Variants in PCDHGB1 observed in about 807,000 individuals in gnomAD.
PCDHGB1 encodes protocadherin gamma-B1.
A neutral mutation model predicts 56.6 loss-of-function variants in PCDHGB1; 34 were observed. The ratio of observed to expected loss-of-function variants is 0.60; its 90% CI spans 0.46 to 0.80. PCDHGB1 has a LOEUF of 0.80. PCDHGB1 is among the 30% of genes least tolerant of loss of function. PCDHGB1 has a pLI of 0.00. For synonymous variants in PCDHGB1, 561 were observed against 505.9 expected (o/e 1.11, Z -1.46); for missense variants, 1,278 against 1,204.6 (o/e 1.06, Z -0.90).
chr5:141,470,911 G>C (rs1208467445), intron 1 of PCDHGB1, among the ~76,000 whole-genome samples: 1 of 151,916 alleles, frequency 6.6e-6, no homozygotes, highest in African/African-American at 2.4e-5. Context: ...AGATGGGACT[G>C]TCCCTATGTT....
intron 1 of PCDHGB1, chr5:141,374,378 A>C: frequency 6.2e-7 from 1 of 1,614,038 alleles, no homozygotes; most frequent in Non-Finnish European, 8.5e-7. Context: ...CTGTGCTCAG[A>C]GCCCGCGGTG....
At chr5:141,373,625 T>C (rs941241888) in intron 1 of PCDHGB1, among the ~76,000 whole-genome samples, 3 of 152,254 alleles carry the variant, frequency 2.0e-5, no homozygotes, top group African/African-American at 7.2e-5. Context: ...GATTGTAATA[T>C]TATTTCTGTT....
chr5:141,467,535 G>C (rs2099145685), intron 1 of PCDHGB1, among the ~76,000 whole-genome samples: 1 of 152,176 alleles, frequency 6.6e-6, no homozygotes, highest in South Asian at 2.1e-4. Flanking sequence ...GCTGAGATAT[G>C]GATCTGATTA....
chr5:141,417,701 C>T (rs1382264857), intron 1 of PCDHGB1: 1 of 1,192,516 alleles, frequency 8.4e-7, no homozygotes, highest in Admixed American at 3.0e-5. Flanking sequence ...CCAGCTCCCA[C>T]ACAGAGGCTC....
rs2097419057 is a variant in PCDHGB1 at position 141,431,807 on chromosome 5, A to G, written c.2410-63000A>G. 4 of 1,614,050 alleles carry G rather than the reference A, an allele frequency of 2.5e-6. No individual in the cohort carries two copies. Among genetic ancestry groups the G allele is most frequent in the Non-Finnish European group, 2.5e-6 (3 of 1,180,038 alleles). On this transcript the variant is annotated intron_variant, in intron 1 of 3. Coordinates refer to ENST00000523390, the MANE Select transcript of PCDHGB1 (RefSeq NM_018922.3). This position sits in a 1 kb window ranked among gnomAD's most constrained non-coding sequence, Gnocchi z 4.8. ...CGACAATGCCCCAGAAGTGGTCCTC[A>G]CCTCTCTCGCCAGCTCGGTTCCCGA... is the stretch of plus-strand genomic sequence containing the variant.
chr5:141,423,636 C>A, intron 1 of PCDHGB1: 1 of 1,598,388 alleles, frequency 6.3e-7, no homozygotes, highest in Non-Finnish European at 8.5e-7. Context: ...TCATTTTAGG[C>A]AAATGTGACC....
chr5:141,383,109 T>A, intron 1 of PCDHGB1: 1 of 1,613,908 alleles, frequency 6.2e-7, no homozygotes, highest in Non-Finnish European at 8.5e-7. Context: ...TCTCCAGAGG[T>A]AGGACGCAGC....
intron 1 of PCDHGB1, chr5:141,492,070 GCCGGCT>G (rs1329848558): frequency 2.1e-6 from 1 of 477,826 alleles, no homozygotes; most frequent in Non-Finnish European, 3.7e-6. Context: ...CCTCCTAGGC[GCCGGCT>G]CCGGCACGCT....
At chr5:141,494,232 A>T (rs2099752983) in intron 1 of PCDHGB1, among the ~76,000 whole-genome samples, 1 of 152,168 alleles carries the variant, frequency 6.6e-6, no homozygotes, top group African/African-American at 2.4e-5. Flanking sequence ...TCCTAAATTA[A>T]TAATGTATTT....
intron 1 of PCDHGB1, among the ~76,000 whole-genome samples, chr5:141,481,161 A>G (rs2099532805): frequency 6.6e-6 from 1 of 152,230 alleles, no homozygotes; most frequent in African/African-American, 2.4e-5. Flanking sequence ...GTATTTGCAG[A>G]ACCAGAATCC....
chr5:141,397,039 A>G (rs2093467837), intron 1 of PCDHGB1, among the ~76,000 whole-genome samples: 1 of 152,236 alleles, frequency 6.6e-6, no homozygotes, highest in Non-Finnish European at 1.5e-5. Context: ...CCACAAATTT[A>G]TGTAAATGAA....
At position 141,511,855 on chromosome 5, in the gene PCDHGB1, ATTGT is replaced by A. The variant is rs2099883980; in HGVS notation, c.*686_*689del. ...GGACCAGTCTTCTGTTTTGTTTTTCATTGTTTGACGTTTCCACTGCATGCCTTGA... is the reference window on the plus strand; with the variant it reads ...GGACCAGTCTTCTGTTTTGTTTTTCATTGACGTTTCCACTGCATGCCTTGA... On this transcript the variant is annotated 3_prime_UTR_variant, in exon 4 of 4. Coordinates refer to ENST00000523390, the MANE Select transcript of PCDHGB1 (RefSeq NM_018922.3). 1 of 156,316 alleles carries A rather than the reference ATTGT, an allele frequency of 6.4e-6. No individual in the cohort carries two copies. Among genetic ancestry groups the A allele is most frequent in the South Asian group, 2.0e-4 (1 of 5,082 alleles). The allele number at this position is 156,316 out of a possible 1,614,324, so 9.7% of individuals were successfully genotyped here.
rs372202008 is a variant in PCDHGB1, at chr5:141,404,550, C to T, written c.2409+51881C>T. The stretch of plus-strand genomic sequence containing the variant: ...TTTAGAGATTTGCAAATGCAGGTGA[C>T]GGCAAGTGACAGTGGAAGCCCACCA... On this transcript the variant is annotated intron_variant, in intron 1 of 3. Coordinates refer to ENST00000523390, the MANE Select transcript of PCDHGB1 (RefSeq NM_018922.3). The T allele has an allele frequency of 2.8e-4, 448 of 1,613,648 alleles. 1 individual carries two copies. The highest frequency in any genetic ancestry group is 9.8e-4 in the South Asian group (89 of 91,080).
chr5:141,365,924 G>T, intron 1 of PCDHGB1: 1 of 1,614,212 alleles, frequency 6.2e-7, no homozygotes, highest in Non-Finnish European at 8.5e-7. Flanking sequence ...ACAGTTGTGG[G>T]TGACAGCCAG....
intron 1 of PCDHGB1, among the ~76,000 whole-genome samples, chr5:141,368,185 A>G (rs77366155): frequency 0.033 from 4,989 of 152,312 alleles, 94 homozygotes; most frequent in African/African-American, 0.059. Flanking sequence ...ATGACTAAAT[A>G]AGGGGAAAAG....
intron 1 of PCDHGB1, chr5:141,398,523 A>T (rs988295276): frequency 6.2e-7 from 1 of 1,613,602 alleles, no homozygotes; most frequent in Non-Finnish European, 8.5e-7. Context: ...ACACGCCAAA[A>T]TTCACGCAAA....
At chr5:141,435,447 A>C (rs2097764160) in intron 1 of PCDHGB1, among the ~76,000 whole-genome samples, 1 of 152,168 alleles carries the variant, frequency 6.6e-6, no homozygotes, top group Non-Finnish European at 1.5e-5. Context: ...CATTAATACG[A>C]TATCTGTATG....
At chr5:141,417,913 T>C in intron 1 of PCDHGB1, 1 of 1,601,944 alleles carries the variant, frequency 6.2e-7, no homozygotes, top group Admixed American at 1.8e-5. Context: ...AGGTACTATT[T>C]CCTTTGCTGC....
At chr5:141,383,319 A>G (rs778348189) in intron 1 of PCDHGB1, 1 of 1,614,020 alleles carries the variant, frequency 6.2e-7, no homozygotes, top group Non-Finnish European at 8.5e-7. Context: ...AAATAAATGT[A>G]AAAATAATGG....
Sources: gnomAD v4.1 joint callset for allele counts (sites outside exome capture counted in the v4.1 genomes callset) on GRCh38, gnomAD v4.1.1 for gene constraint, Gnocchi (gnomAD v3.1) non-coding constraint, MANE v1.5 for transcripts, NCBI Gene and HGNC (gene_info 2026-07-23, HGNC 2026-07-21) for gene names.